Variants in RARB observed in about 807,000 individuals in gnomAD.
RARB encodes the protein HBV-activated protein.
Under a neutral mutation model 51.9 loss-of-function variants are expected in RARB, and 17 were observed. The observed-to-expected ratio is 0.33, with a 90% CI of 0.22 to 0.49. The LOEUF (loss-of-function observed/expected upper bound fraction) is 0.49, where lower values mean the gene tolerates loss of function less well. Among genes scored for constraint, RARB ranks in the 20% least tolerant of loss-of-function variants. The probability of loss-of-function intolerance (pLI) is 0.99; values close to 1 mark genes in which losing one functional copy is unlikely to be tolerated. For synonymous variants in RARB, 215 were observed against 195.4 expected (o/e 1.10, Z -0.84); for missense variants, 369 against 550.8 (o/e 0.67, Z 3.30).
intron 3 of RARB, among the ~76,000 whole-genome samples, chr3:25,111,462 TA>T (rs1369364124): frequency 1.3e-5 from 2 of 152,094 alleles, no homozygotes; most frequent in Non-Finnish European, 2.9e-5. Context: ...AAAACTGATT[TA>T]AAATCATTTC....
At chr3:24,942,842 G>T (rs908557668) in intron 2 of RARB, among the ~76,000 whole-genome samples, 6 of 152,062 alleles carry the variant, frequency 3.9e-5, no homozygotes, top group African/African-American at 1.4e-4. Context: ...GAATTCATAA[G>T]ATTTCACAAA....
chr3:25,471,802 C>G (rs1478441632), intron 2 of RARB, among the ~76,000 whole-genome samples: 1 of 152,084 alleles, frequency 6.6e-6, no homozygotes, highest in Non-Finnish European at 1.5e-5. Flanking sequence ...TTGCAATTAT[C>G]CTCTTTGTTT....
rs371064003 is a variant in RARB, at chr3:25,264,110, G to T, written c.178+89535G>T. Among the ~76,000 whole-genome samples the T allele has an allele frequency of 2.9e-3, 410 of 142,904 alleles. 1 individual carries two copies. The highest frequency in any genetic ancestry group is 9.8e-3 in the African/African-American group (396 of 40,402). 93.8% of individuals were successfully genotyped at this position (142,904 alleles called of 152,430 possible). A position where few individuals can be genotyped will look rare whatever the true frequency, so the allele number is the denominator to read the frequency against. Reference sequence around the variant, plus strand: ...TATATTTCCCACTTGGGGCATTGTTGATTTTTTTTTTTAAAAAAAGGTTGA... The same window carrying T: ...TATATTTCCCACTTGGGGCATTGTTTATTTTTTTTTTTAAAAAAAGGTTGA... On this transcript the variant is annotated intron_variant, in intron 5 of 11. Coordinates refer to the RARB transcript ENST00000383772.
intron 1 of RARB, among the ~76,000 whole-genome samples, chr3:25,452,316 C>T (rs187012790): frequency 6.6e-6 from 1 of 152,272 alleles, no homozygotes; most frequent in East Asian, 1.9e-4. Context: ...TGGTGTTGAA[C>T]GTGTCATGGT....
intron 3 of RARB, among the ~76,000 whole-genome samples, chr3:25,563,430 T>C (rs910397572): frequency 6.6e-6 from 1 of 152,178 alleles, no homozygotes; most frequent in African/African-American, 2.4e-5. Flanking sequence ...TTGTTCCAAT[T>C]TCAACTGGAA....
intron 2 of RARB, among the ~76,000 whole-genome samples, chr3:24,919,761 T>G (rs1349276490): frequency 6.6e-6 from 1 of 152,226 alleles, no homozygotes; most frequent in Non-Finnish European, 1.5e-5. Flanking sequence ...TAATTTTATT[T>G]TTCTTCATGG....
At chr3:25,103,092 G>GT (rs1293116117) in intron 3 of RARB, among the ~76,000 whole-genome samples, 1 of 152,148 alleles carries the variant, frequency 6.6e-6, no homozygotes, top group East Asian at 1.9e-4. Flanking sequence ...TTGAGGGAGT[G>GT]TAAGATGAGG....
chr3:25,115,095 T>C lies in RARB; in HGVS notation c.-327-17066T>C, dbSNP rs141452550. On this transcript the variant is annotated intron_variant, in intron 3 of 11. Transcript: ENST00000383772. The stretch of plus-strand genomic sequence containing the variant: ...TACAACTTCCTGCTAATAATTGAGC[T>C]GTCAATTATCCAATGCATTGGCTTC... Among the ~76,000 whole-genome samples, 89 of 152,288 alleles carry C rather than the reference T, an allele frequency of 5.8e-4. 2 individuals carry two copies. In the East Asian group the frequency reaches 0.015, roughly 26 times the overall value.
chr3:25,286,391 C>T (rs530676796), intron 5 of RARB, among the ~76,000 whole-genome samples: 1 of 152,234 alleles, frequency 6.6e-6, no homozygotes, highest in East Asian at 1.9e-4. Flanking sequence ...CCCAGCCCAA[C>T]TTGATCCTTC....
chr3:25,038,040 A>G (rs1698033718), intron 2 of RARB, among the ~76,000 whole-genome samples: 1 of 151,982 alleles, frequency 6.6e-6, no homozygotes. Context: ...ATGAGGCTCA[A>G]ATTGCTTATA....
intron 5 of RARB, among the ~76,000 whole-genome samples, chr3:25,351,613 C>T (rs1046237770): frequency 6.6e-6 from 1 of 152,138 alleles, no homozygotes; most frequent in African/African-American, 2.4e-5. Context: ...ACCATTTTAC[C>T]AGCCCGGAAG....
At chr3:25,035,370 G>A (rs1264100931) in intron 2 of RARB, among the ~76,000 whole-genome samples, 1 of 149,442 alleles carries the variant, frequency 6.7e-6, no homozygotes, top group Non-Finnish European at 1.5e-5. Context: ...AATCTGACAT[G>A]CTCAGTCTCC....
intron 5 of RARB, among the ~76,000 whole-genome samples, chr3:25,292,741 T>A (rs904084236): frequency 6.6e-6 from 1 of 152,078 alleles, no homozygotes; most frequent in Non-Finnish European, 1.5e-5. Context: ...CACTGGCAAG[T>A]GGGGAAGAAA....
At chr3:25,111,762 A>G (rs1341024235) in intron 3 of RARB, among the ~76,000 whole-genome samples, 3 of 151,918 alleles carry the variant, frequency 2.0e-5, no homozygotes, top group Non-Finnish European at 4.4e-5. Context: ...TATTTTTAGT[A>G]GAGGTGGGGT....
At chr3:25,260,101 G>T (rs1702960682) in intron 5 of RARB, 2 of 681,390 alleles carry the variant, frequency 2.9e-6, no homozygotes, top group Non-Finnish European at 3.6e-6. Flanking sequence ...TTTCAGCTTT[G>T]TTTGTTGTTT....
chr3:24,877,766 G>C (rs920201599), intron 2 of RARB, among the ~76,000 whole-genome samples: 2 of 152,152 alleles, frequency 1.3e-5, no homozygotes, highest in Admixed American at 6.5e-5. Context: ...CTGACAGGTA[G>C]TGGCAAGTGA....
rs961303246 is a variant in RARB, at chr3:24,858,355, C to T, written c.-458-319C>T. 3.3e-5 allele frequency among the ~76,000 whole-genome samples: 5 copies of T among 152,184 alleles called. No individual in the cohort carries two copies. The East Asian group carries it at 9.7e-4, about 29-fold the overall frequency. ...GATGGGCACTATAATTAACGATTGC[C>T]ACCTGTGTGAATTCTTTTGCATTTA... On this transcript the variant is annotated intron_variant, in intron 1 of 11. Transcript: ENST00000383772.
chr3:25,063,505 C>T (rs986604132), intron 3 of RARB, among the ~76,000 whole-genome samples: 1 of 151,500 alleles, frequency 6.6e-6, no homozygotes, highest in South Asian at 2.1e-4. Flanking sequence ...CATAATTTGT[C>T]GATTTTTAAA....
At chr3:25,290,241 A>G (rs997061294) in intron 5 of RARB, among the ~76,000 whole-genome samples, 4 of 152,276 alleles carry the variant, frequency 2.6e-5, no homozygotes, top group Non-Finnish European at 5.9e-5. Flanking sequence ...TAAAGAAGCA[A>G]TCTAGCTAAA....
Sources: gnomAD v4.1 joint callset for allele counts (sites outside exome capture counted in the v4.1 genomes callset) on GRCh38, gnomAD v4.1.1 for gene constraint, MANE v1.5 for transcripts, NCBI Gene and HGNC (gene_info 2026-07-23, HGNC 2026-07-21) for gene names.